Variants in RUFY2 observed in about 807,000 individuals in gnomAD.
The protein encoded by RUFY2 is RUN and FYVE domain containing 2, also known as RUN and FYVE domain-containing protein 2.
RUFY2 carries 49 observed loss-of-function variants against 94.4 expected under a neutral mutation model. That is an observed-to-expected ratio of 0.52 (90% CI 0.41 to 0.66). RUFY2 has a LOEUF of 0.66. Ranked by LOEUF, RUFY2 falls within the 30% of genes least tolerant of loss-of-function variation. The pLI is 0.00. For missense variants in RUFY2, 541 were observed against 692.8 expected (o/e 0.78, Z 2.46); for synonymous variants, 255 against 235.7 (o/e 1.08, Z -0.75).
chr10:68,372,131 A>G (rs1318222560), intron 13 of RUFY2, among the ~76,000 whole-genome samples: 5 of 152,180 alleles, frequency 3.3e-5, no homozygotes, highest in Non-Finnish European at 7.3e-5. Flanking sequence ...ATTTAAGGCC[A>G]GGTGCAGTGG....
intron 13 of RUFY2, among the ~76,000 whole-genome samples, chr10:68,371,547 G>A (rs1377658789): frequency 5.3e-5 from 8 of 151,120 alleles, no homozygotes; most frequent in South Asian, 2.1e-4. Flanking sequence ...AGCCGAGATC[G>A]CGCCACTGCA....
intron 1 of RUFY2, 184 bp downstream of exon 1, chr10:68,407,002 G>A (rs1172515581): frequency 1.3e-6 from 2 of 1,502,748 alleles, no homozygotes; most frequent in South Asian, 1.3e-5. Context: ...AAGGGAGGGG[G>A]CGCGTTGCCA....
At chr10:68,355,245 C>T (rs1437575675) in intron 16 of RUFY2, 108 bp downstream of exon 16, 12 of 733,120 alleles carry the variant, frequency 1.6e-5, no homozygotes, top group Admixed American at 1.3e-4. Flanking sequence ...TTCAGTGCTT[C>T]GGCCTCTATA....
chr10:68,348,274 G>A (rs769663203), intron 16 of RUFY2, among the ~76,000 whole-genome samples: 82 of 151,662 alleles, frequency 5.4e-4, no homozygotes, highest in Non-Finnish European at 9.4e-4. Flanking sequence ...GAGAGGCCAA[G>A]GTGAGAGGCT....
chr10:68,354,146 T>A (rs148900781), intron 16 of RUFY2, among the ~76,000 whole-genome samples: 69 of 152,214 alleles, frequency 4.5e-4, no homozygotes, highest in East Asian at 4.0e-3. Flanking sequence ...ATTAATAATA[T>A]TATTTGGAGT....
rs534499473 is a variant in RUFY2, at chr10:68,356,277, G to A, written c.1551-876C>T. 2.6e-4 allele frequency among the ~76,000 whole-genome samples: 39 copies of A among 152,188 alleles called. No homozygotes were observed. The South Asian group carries it at 7.1e-3, about 28-fold the overall frequency. ...CCAGCACTTTTGGGGGCCAAGGCGG[G>A]TGAATCATCTGAGGTCAGGAGTTCG... On this transcript the variant is annotated intron_variant, in intron 15 of 17. Transcript: ENST00000602465.
At chr10:68,357,825 T>C (rs2047166381) in intron 15 of RUFY2, among the ~76,000 whole-genome samples, 1 of 152,196 alleles carries the variant, frequency 6.6e-6, no homozygotes, top group Non-Finnish European at 1.5e-5. Context: ...TAAAATAGTA[T>C]ATATAATTAT....
At chr10:68,378,200 T>C in intron 12 of RUFY2, 2 of 993,474 alleles carry the variant, frequency 2.0e-6, no homozygotes, top group Non-Finnish European at 2.4e-6. Flanking sequence ...AGTGGGCCAA[T>C]GAGAAAAAAA....
intron 8 of RUFY2, among the ~76,000 whole-genome samples, chr10:68,385,802 G>C (rs1487738555): frequency 6.6e-6 from 1 of 152,098 alleles, no homozygotes; most frequent in African/African-American, 2.4e-5. Context: ...ATTTGTGTGA[G>C]TTTCATCTCT....
chr10:68,365,455 T>C (rs147850467), intron 13 of RUFY2, among the ~76,000 whole-genome samples: 46 of 152,152 alleles, frequency 3.0e-4, no homozygotes, highest in Non-Finnish European at 5.4e-4. Context: ...CCAGCCTGAG[T>C]GTGGGTGTGT....
intron 15 of RUFY2, among the ~76,000 whole-genome samples, chr10:68,359,035 G>A (rs1240616841): frequency 6.6e-6 from 1 of 152,070 alleles, no homozygotes; most frequent in East Asian, 1.9e-4. Flanking sequence ...TTGCCTAAGT[G>A]TCCTAAAGAA....
intron 7 of RUFY2, among the ~76,000 whole-genome samples, chr10:68,389,401 G>A (rs1287059676): frequency 1.3e-5 from 2 of 151,514 alleles, no homozygotes; most frequent in Non-Finnish European, 2.9e-5. Flanking sequence ...GACCAGCCTA[G>A]CCAATATGGT....
At chr10:68,366,761 A>ATATATATATAT (rs1564801460) in intron 13 of RUFY2, among the ~76,000 whole-genome samples, 53 of 120,732 alleles carry the variant, frequency 4.4e-4, no homozygotes, top group African/African-American at 1.5e-3. Flanking sequence ...TATATATATA[A>ATATATATATAT]TATTAAATAT....
intron 7 of RUFY2, among the ~76,000 whole-genome samples, chr10:68,391,640 T>TG (rs2049992007): frequency 8.7e-6 from 1 of 115,276 alleles, no homozygotes; most frequent in African/African-American, 3.6e-5. Context: ...GGCAACAGAG[T>TG]GAGACCCTGT....
chr10:68,388,762 G>T (rs942120809), intron 7 of RUFY2, among the ~76,000 whole-genome samples: 5 of 151,036 alleles, frequency 3.3e-5, no homozygotes, highest in Non-Finnish European at 5.9e-5. Context: ...CTTGAGCCTG[G>T]GAGGCAGAGG....
Position 68,346,062 on chromosome 10 carries a change from T to C in RUFY2, c.1622A>G (p.Lys541Arg). ...ACAAAGTTTACAATGTGTTGCTTCT[T>C]TGTCTTTCAGCCAAACCAGTCCCTA... ...ALQGLVWLKD[K>R]EATHCKLCEK... Residue 541 changes from lysine to arginine, a missense_variant, in exon 17 of 18, where the codon AAA (lysine) becomes AGA (arginine). Lys to Arg is a conservative substitution (Grantham distance 26). Around this residue, in one of 3 missense-constraint regions of RUFY2, gnomAD observed 403 missense variants for 480.7 expected, o/e 0.84. Coordinates refer to ENST00000602465, the MANE Select transcript of RUFY2 (RefSeq NM_001330103.2). 1 of 1,613,730 alleles carries C rather than the reference T, an allele frequency of 6.2e-7. No homozygotes were observed. The highest frequency in any genetic ancestry group is 8.5e-7 in the Non-Finnish European group (1 of 1,179,824).
At chr10:68,376,667 A>C (rs2048702039) in intron 13 of RUFY2, among the ~76,000 whole-genome samples, 186 bp downstream of exon 13, 1 of 151,118 alleles carries the variant, frequency 6.6e-6, no homozygotes, top group Non-Finnish European at 1.5e-5. Flanking sequence ...TGTAAATCAT[A>C]AAGGGAGTAA....
chr10:68,376,520 T>A (rs1350699047), intron 13 of RUFY2, among the ~76,000 whole-genome samples: 1 of 126,238 alleles, frequency 7.9e-6, no homozygotes, highest in East Asian at 2.6e-4. Flanking sequence ...CCTTTAATAA[T>A]ATAAGTTTCT....
chr10:68,345,665 C>T lies in RUFY2; in HGVS notation c.*103G>A, dbSNP rs1589744255. 3 of 989,880 alleles carry T rather than the reference C, an allele frequency of 3.0e-6. No individual in the cohort carries two copies. The East Asian group carries it at 7.4e-5, about 24-fold the overall frequency. 61.3% of individuals were successfully genotyped at this position (989,880 alleles called of 1,614,324 possible). A position where few individuals can be genotyped will look rare whatever the true frequency, so the allele number is the denominator to read the frequency against. On this transcript the variant is annotated 3_prime_UTR_variant, in exon 18 of 18. Coordinates refer to ENST00000602465, the MANE Select transcript of RUFY2 (RefSeq NM_001330103.2). The stretch of plus-strand genomic sequence containing the variant: ...GTAGAAGATAAACTGGTACCAAATA[C>T]TGACCGAAAGCCGCTTAAGGAGAGC...
Sources: allele counts gnomAD v4.1 joint callset (sites outside exome capture counted in the v4.1 genomes callset), GRCh38; gene constraint gnomAD v4.1.1; regional missense constraint gnomAD v4.1.1; transcripts MANE v1.5; gene names NCBI Gene and HGNC (gene_info 2026-07-23, HGNC 2026-07-21).